CCNY: variants seen among roughly 807,000 people sequenced by gnomAD.
CCNY encodes cyclin-Y.
Under a neutral mutation model 42.8 loss-of-function variants are expected in CCNY, and 19 were observed. That is an observed-to-expected ratio of 0.44 (90% CI 0.31 to 0.65). The LOEUF is 0.65. CCNY is among the 30% of genes least tolerant of loss of function. The pLI is 0.07. For missense variants in CCNY, 370 were observed against 437.3 expected (o/e 0.85, Z 1.37); for synonymous variants, 165 against 162.7 (o/e 1.01, Z -0.11).
chr10:35,495,852 T>A (rs1171552125), intron 2 of CCNY, among the ~76,000 whole-genome samples: 2 of 152,226 alleles, frequency 1.3e-5, no homozygotes, highest in Admixed American at 6.5e-5. Context: ...AGCCTCCATG[T>A]GCATTCTGAA....
chr10:35,257,926 C>G (rs1169135068), intron 3 of CCNY, among the ~76,000 whole-genome samples: 3 of 152,162 alleles, frequency 2.0e-5, no homozygotes, highest in Non-Finnish European at 4.4e-5. Flanking sequence ...TACTTTTCTT[C>G]AATCTTTTTT....
intron 1 of CCNY, among the ~76,000 whole-genome samples, chr10:35,438,183 C>G (rs185783055): frequency 7.1e-6 from 1 of 139,946 alleles, no homozygotes; most frequent in East Asian, 2.1e-4. Context: ...AAGGCCTTTT[C>G]TGTTTCCCAG....
rs184588494 is a variant in CCNY, at chr10:35,446,259, C to T, written c.155-37145C>T. Among the ~76,000 whole-genome samples, 368 of 152,262 alleles carry T rather than the reference C, an allele frequency of 2.4e-3. 1 individual carries two copies. The highest frequency in any genetic ancestry group is 0.01 in the Middle Eastern group (3 of 294). The stretch of plus-strand genomic sequence containing the variant: ...GTACTAAATGTTCGATTCCACAGTA[C>T]AATACTTTATCATCTGAGAAGTAAG... On this transcript the variant is annotated intron_variant, in intron 1 of 9. Transcript: ENST00000374704.
intron 1 of CCNY, among the ~76,000 whole-genome samples, chr10:35,419,923 A>ATT (rs1218102375): frequency 8.3e-4 from 112 of 135,602 alleles, no homozygotes; most frequent in Middle Eastern, 3.9e-3. Flanking sequence ...TATGGCTGTA[A>ATT]TTTTTTTTTT....
At chr10:35,375,307 A>G (rs1045647685) in intron 1 of CCNY, among the ~76,000 whole-genome samples, 1 of 152,182 alleles carries the variant, frequency 6.6e-6, no homozygotes, top group African/African-American at 2.4e-5. Flanking sequence ...AGTTGCTCAC[A>G]TTCCTTGGCT....
chr10:35,532,434 G>C (rs1468270462), intron 7 of CCNY, among the ~76,000 whole-genome samples: 4 of 152,250 alleles, frequency 2.6e-5, no homozygotes, highest in South Asian at 2.1e-4. Flanking sequence ...GCAGCCTGCT[G>C]TGGACAGAGA....
chr10:35,280,324 GGAAAGAAAGAAAGGAA>G (rs1251010051), intron 3 of CCNY, among the ~76,000 whole-genome samples: 1 of 144,570 alleles, frequency 6.9e-6, no homozygotes, highest in African/African-American at 2.6e-5. Context: ...GAGGAAAGAA[GGAAAGAAAGAAAGGAA>G]GAAAGGAAGA....
intron 3 of CCNY, among the ~76,000 whole-genome samples, chr10:35,313,673 CTAAGAT>C (rs1369538526): frequency 1.3e-5 from 2 of 152,168 alleles, no homozygotes; most frequent in African/African-American, 4.8e-5. Context: ...GTATAAATTA[CTAAGAT>C]TAAAAGTAAA....
intron 1 of CCNY, among the ~76,000 whole-genome samples, chr10:35,445,108 C>T (rs1410931052): frequency 2.6e-5 from 4 of 152,132 alleles, no homozygotes; most frequent in Admixed American, 2.6e-4. Context: ...AATGGAACTG[C>T]TTGTGGGTGG....
intron 2 of CCNY, among the ~76,000 whole-genome samples, chr10:35,494,092 T>C (rs926947023): frequency 3.3e-5 from 5 of 152,138 alleles, no homozygotes; most frequent in African/African-American, 9.7e-5. Context: ...TTGATAAAGA[T>C]AGATCGTGGA....
chr10:35,525,581 AT>A (rs894009433), intron 4 of CCNY, among the ~76,000 whole-genome samples: 10 of 152,096 alleles, frequency 6.6e-5, no homozygotes, highest in African/African-American at 2.2e-4. Context: ...TAAACCATGA[AT>A]TTTTTAAACT....
chr10:35,507,917 A>G (rs1248945521), intron 3 of CCNY, among the ~76,000 whole-genome samples: 1 of 152,054 alleles, frequency 6.6e-6, no homozygotes, highest in South Asian at 2.1e-4. Flanking sequence ...AAGACATCAA[A>G]TCGAGAGGCA....
chr10:35,255,770 A>C (rs948691620), intron 3 of CCNY, among the ~76,000 whole-genome samples: 1 of 151,776 alleles, frequency 6.6e-6, no homozygotes, highest in African/African-American at 2.4e-5. Flanking sequence ...AATTTTTAAA[A>C]ATTTTGTAGA....
Position 35,540,233 on chromosome 10 carries a change from A to G in CCNY, c.579+9990A>G, listed in dbSNP as rs139761090. On this transcript the variant is annotated intron_variant, in intron 7 of 9. Transcript: ENST00000374704. ...AGTTTTTTGTAGATGTCCTTTATCA[A>G]TTGAGGAAGTTTCCTTGTATTCTTA... is the stretch of plus-strand genomic sequence containing the variant. 8.1e-4 allele frequency among the ~76,000 whole-genome samples: 124 copies of G among 152,308 alleles called. 3 individuals are homozygous for G. The East Asian group carries it at 0.022, about 27-fold the overall frequency.
chr10:35,557,486 G>A (rs904222559), intron 8 of CCNY, among the ~76,000 whole-genome samples: 16 of 152,222 alleles, frequency 1.1e-4, no homozygotes, highest in African/African-American at 3.9e-4. Context: ...GCTGGGTGCA[G>A]TGGCTCACAC....
At chr10:35,401,092 G>T (rs1244363866) in intron 1 of CCNY, among the ~76,000 whole-genome samples, 1 of 152,262 alleles carries the variant, frequency 6.6e-6, no homozygotes, top group Non-Finnish European at 1.5e-5. Context: ...CCAGGTGGCA[G>T]CTGAGTTTCA....
intron 4 of CCNY, among the ~76,000 whole-genome samples, chr10:35,523,780 C>T (rs1480517688): frequency 1.3e-5 from 2 of 152,086 alleles, no homozygotes; most frequent in African/African-American, 2.4e-5. Context: ...ATCATAATTA[C>T]AACTCCATGA....
At chr10:35,489,458 G>A (rs565746770) in intron 2 of CCNY, among the ~76,000 whole-genome samples, 31 of 152,024 alleles carry the variant, frequency 2.0e-4, no homozygotes, top group Admixed American at 2.0e-4. Flanking sequence ...CCACCACCAC[G>A]CCCAGCTAAT....
chr10:35,524,980 G>C (rs1345818257), intron 4 of CCNY, among the ~76,000 whole-genome samples: 1 of 152,156 alleles, frequency 6.6e-6, no homozygotes, highest in Non-Finnish European at 1.5e-5. Context: ...CCAATTATAG[G>C]ATGTATCCTT....
Sources: allele counts gnomAD v4.1 joint callset (sites outside exome capture counted in the v4.1 genomes callset), GRCh38; gene constraint gnomAD v4.1.1; transcripts MANE v1.5; gene names NCBI Gene and HGNC (gene_info 2026-07-23, HGNC 2026-07-21).